Variants in BBS1 observed in about 807,000 individuals in gnomAD.
BBS1 encodes the protein BBSome complex member BBS1.
BBS1 carries 60 observed loss-of-function variants against 73.9 expected under a neutral mutation model. The observed-to-expected ratio is 0.81, with a 90% CI of 0.66 to 1.01. BBS1 has a LOEUF of 1.01. Among genes scored for constraint, BBS1 ranks in the 50% least tolerant of loss-of-function variants. The probability of loss-of-function intolerance (pLI) is 0.00; values close to 1 mark genes in which losing one functional copy is unlikely to be tolerated. For missense variants in BBS1, 718 were observed against 770.3 expected (o/e 0.93, Z 0.80); for synonymous variants, 283 against 317.4 (o/e 0.89, Z 1.15).
chr11:66,521,156 G>A, intron 8 of BBS1, 114 bp from the exon 9 acceptor site: 1 of 805,352 alleles, frequency 1.2e-6, no homozygotes, highest in Non-Finnish European at 2.2e-6. Flanking sequence ...TAAACTGGGT[G>A]TAAGTGAGGA....
Position 66,524,693 on chromosome 11 carries a change from C to CT in BBS1, c.1110+812dup, listed in dbSNP as rs543962005. Among the ~76,000 whole-genome samples the CT allele has an allele frequency of 4.6e-5, 7 of 152,268 alleles. No individual in the cohort carries two copies. The East Asian group carries it at 7.7e-4, about 17-fold the overall frequency. On this transcript the variant is annotated intron_variant, in intron 11 of 16. Coordinates refer to ENST00000318312, the MANE Select transcript of BBS1 (RefSeq NM_024649.5). ...AGTTTGGACCAGAGGTTTTCAGACTCTAAGTTGTGAATCATTAAATCAGTT... is the reference window on the plus strand; with the variant it reads ...AGTTTGGACCAGAGGTTTTCAGACTCTTAAGTTGTGAATCATTAAATCAGTT...
chr11:66,518,403 A>G (rs976278392), intron 7 of BBS1, among the ~76,000 whole-genome samples: 2 of 148,786 alleles, frequency 1.3e-5, no homozygotes, highest in Admixed American at 1.3e-4. Flanking sequence ...GATTACAGGC[A>G]CCCGCCATCA....
In BBS1 at chr11:66,530,906, G is replaced by T; in HGVS notation, c.1486G>T (p.Gly496Cys). 6.2e-7 allele frequency: 1 copy of T among 1,614,226 alleles called. No individual in the cohort carries two copies. The highest frequency in any genetic ancestry group is 8.5e-7 in the Non-Finnish European group (1 of 1,180,030). ...ACCCTCTCCATAGGTTCAGGGCCTTGGCCCCACCTTTAAGCTCACACTTCA... is the reference window on the plus strand; with the variant it reads ...ACCCTCTCCATAGGTTCAGGGCCTTTGCCCCACCTTTAAGCTCACACTTCA... Reference protein sequence around the residue: ...LKLHAVVQGLGPTFKLTLHLQ... With the variant: ...LKLHAVVQGLCPTFKLTLHLQ... The change falls in exon 15 of 17, where the codon GGC becomes TGC. Residue 496 changes from glycine (G) to cysteine (C), a missense_variant. Transcript: ENST00000318312.
intron 11 of BBS1, chr11:66,524,166 G>C (rs1279370145): frequency 2.4e-6 from 1 of 425,160 alleles, no homozygotes; most frequent in Non-Finnish European, 4.5e-6. Context: ...TGTAATCCCA[G>C]CTACTCAGGA....
At chr11:66,522,987 C>T (rs754048259) in intron 9 of BBS1, 7 of 369,082 alleles carry the variant, frequency 1.9e-5, no homozygotes, top group Admixed American at 1.1e-4. Context: ...GTGTGCTCCT[C>T]GAATAGAGAG....
intron 9 of BBS1, among the ~76,000 whole-genome samples, chr11:66,521,934 G>A (rs995184210): frequency 1.3e-5 from 2 of 148,390 alleles, no homozygotes. Context: ...AAAAGCAGGG[G>A]GGTGCCGGGT....
chr11:66,531,069 C>T (rs1856759945), intron 15 of BBS1, 41 bp downstream of exon 15: 1 of 1,612,684 alleles, frequency 6.2e-7, no homozygotes, highest in African/African-American at 1.3e-5. Context: ...TGGGAAAGGC[C>T]AGGGCAGGGG....
At chr11:66,520,617 C>T (rs1856176336) in intron 8 of BBS1, 1 of 159,196 alleles carries the variant, frequency 6.3e-6, no homozygotes, top group Non-Finnish European at 1.4e-5. Flanking sequence ...CACGCAATAT[C>T]CATCATATTG....
rs1856780873 is a variant in BBS1 at position 66,531,564 on chromosome 11, G to A, written c.1609-92G>A. Reference sequence around the variant, plus strand: ...CCTGCCCACCCTGCAGGGGTGCTGAGGCTCAGTGGAGACTGCGGGCCTGAA... The same window carrying A: ...CCTGCCCACCCTGCAGGGGTGCTGAAGCTCAGTGGAGACTGCGGGCCTGAA... On this transcript the variant is annotated intron_variant, in intron 15 of 16. Coordinates refer to ENST00000318312, the MANE Select transcript of BBS1 (RefSeq NM_024649.5). 4 of 1,540,712 alleles carry A rather than the reference G, an allele frequency of 2.6e-6. No homozygotes were observed. The Admixed American group carries it at 6.7e-5, about 26-fold the overall frequency.
At chr11:66,515,486 A>G (rs1396484097) in intron 4 of BBS1, 54 bp from the exon 5 acceptor site, 9 of 1,597,952 alleles carry the variant, frequency 5.6e-6, no homozygotes, top group African/African-American at 1.3e-5. Flanking sequence ...GGGTGTAGAC[A>G]TTGGGTTTCC....
At position 66,526,134 on chromosome 11, in the gene BBS1, C is replaced by G. The variant is rs41302423; in HGVS notation, c.1122C>G (p.Thr374=). ...LNVIHTPDAV[T]SLCFGRYGRE... The stretch of plus-strand genomic sequence containing the variant: ...ACGTCTCCACATAGGATGCAGTGAC[C>G]AGCCTTTGCTTTGGCCGGTACGGGC... Residue 374 remains threonine, a synonymous_variant, in exon 12 of 17, where the codon ACC becomes ACG. Coordinates refer to ENST00000318312, the MANE Select transcript of BBS1 (RefSeq NM_024649.5). 1.2e-6 allele frequency: 2 copies of G among 1,614,182 alleles called. No homozygotes were observed. The highest frequency in any genetic ancestry group is 1.1e-5 in the South Asian group (1 of 91,082).
intron 14 of BBS1, among the ~76,000 whole-genome samples, chr11:66,530,212 A>G (rs1856713912): frequency 6.6e-6 from 1 of 152,130 alleles, no homozygotes; most frequent in Non-Finnish European, 1.5e-5. Context: ...ATAGGCCCCC[A>G]GAATAGTCAT....
At chr11:66,517,237 A>G (rs1032324620) in intron 7 of BBS1, among the ~76,000 whole-genome samples, 1 of 151,534 alleles carries the variant, frequency 6.6e-6, no homozygotes, top group African/African-American at 2.4e-5. Flanking sequence ...AAAGAAAAAC[A>G]TTTTGCTTCT....
Position 66,521,309 on chromosome 11 carries a change from G to A in BBS1, c.763G>A (p.Gly255Ser). 1 of 1,614,238 alleles carries A rather than the reference G, an allele frequency of 6.2e-7. No individual in the cohort carries two copies. Among genetic ancestry groups the A allele is most frequent in the Non-Finnish European group, 8.5e-7 (1 of 1,180,044 alleles). Residue 255 changes from glycine to serine, a missense_variant, in exon 9 of 17, where the codon GGC becomes AGC. Coordinates refer to ENST00000318312, the MANE Select transcript of BBS1 (RefSeq NM_024649.5). ...CGTCCCCGTCTTCCTAGAGGTTTCT[G>A]GCCAGTTTGATGTTGAGTTCCGGCT... ...PSVPVFLEVS[G>S]QFDVEFRLAA...
In BBS1 at chr11:66,523,715, C is replaced by A. The variant is rs755942584; in HGVS notation, c.952-9C>A. 28 of 1,610,694 alleles carry A rather than the reference C, an allele frequency of 1.7e-5. No homozygotes were observed. Among genetic ancestry groups the A allele is most frequent in the Non-Finnish European group, 2.1e-5 (25 of 1,179,998 alleles). ...GAGCCCTCCACAGACGCTGGCTGTT[C>A]CCTGCCAGGGGAAGAAGCTGTGGAC... On this transcript the variant is annotated splice_polypyrimidine_tract_variant and intron_variant, in intron 10 of 16. Coordinates refer to ENST00000318312, the MANE Select transcript of BBS1 (RefSeq NM_024649.5).
chr11:66,530,100 C>T (rs949249738), intron 14 of BBS1, 148 bp downstream of exon 14: 23 of 1,174,102 alleles, frequency 2.0e-5, no homozygotes, highest in Middle Eastern at 2.4e-4. Context: ...ACCTGGGGAC[C>T]GAGTCTCATG....
Position 66,531,002 on chromosome 11 carries a change from T to C in BBS1, c.1582T>C (p.Tyr528His). The C allele has an allele frequency of 2.5e-6, 4 of 1,614,220 alleles. No individual in the cohort carries two copies. Among genetic ancestry groups the C allele is most frequent in the Non-Finnish European group, 3.4e-6 (4 of 1,180,032 alleles). Residue 528 changes from tyrosine (Y) to histidine (H), a missense_variant, in exon 15 of 17, where the codon TAT (tyrosine) becomes CAT (histidine). Coordinates refer to ENST00000318312, the MANE Select transcript of BBS1 (RefSeq NM_024649.5). ...LVCFLYNEAL[Y>H]SLPRAFFKVP... Reference sequence around the variant, plus strand: ...CTGCTTCCTGTACAACGAGGCGCTCTATTCCCTGCCCCGGGCCTTCTTCAA... The same window carrying C: ...CTGCTTCCTGTACAACGAGGCGCTCCATTCCCTGCCCCGGGCCTTCTTCAA...
intron 7 of BBS1, among the ~76,000 whole-genome samples, chr11:66,517,789 GA>G (rs1230260270): frequency 6.6e-6 from 1 of 151,472 alleles, no homozygotes; most frequent in East Asian, 1.9e-4. Flanking sequence ...ATTTTTTTAA[GA>G]GATGGGGTCT....
chr11:66,527,395 G>A (rs559272591), intron 13 of BBS1, among the ~76,000 whole-genome samples: 1 of 152,142 alleles, frequency 6.6e-6, no homozygotes, highest in African/African-American at 2.4e-5. Context: ...CTTGGGCCAG[G>A]TGCAGTGGCT....
Sources: gnomAD v4.1 joint callset for allele counts (sites outside exome capture counted in the v4.1 genomes callset) on GRCh38, gnomAD v4.1.1 for gene constraint, MANE v1.5 for transcripts, NCBI Gene and HGNC (gene_info 2026-07-23, HGNC 2026-07-21) for gene names.